The following NEBL variants were observed in gnomAD, a reference collection of about 807,000 sequenced individuals.
The protein encoded by NEBL is LIM and SH3 protein 2.
In NEBL, 122 loss-of-function variants were observed where a neutral mutation model predicts 140.2. That is an observed-to-expected ratio of 0.87 (90% confidence interval 0.75 to 1.01). The LOEUF is 1.01. Among genes scored for constraint, NEBL ranks in the 50% least tolerant of loss-of-function variants. The probability of loss-of-function intolerance (pLI) is 0.00; values close to 1 mark genes in which losing one functional copy is unlikely to be tolerated. For synonymous variants in NEBL, 436 were observed against 398.9 expected, an observed-to-expected ratio of 1.09 and a Z score of -1.11; for missense variants, 1,365 against 1,231.3, an observed-to-expected ratio of 1.11 and a Z score of -1.62.
intron 1 of NEBL, among the ~76,000 whole-genome samples, chr10:21,280,447 C>T (rs537841610): frequency 6.6e-6 from 1 of 152,096 alleles, no homozygotes; most frequent in African/African-American, 2.4e-5. Flanking sequence ...TCTAGGCATG[C>T]CAGCCCAGAG....
chr10:20,938,910 C>A (rs564386134), intron 4 of NEBL, among the ~76,000 whole-genome samples: 17 of 152,276 alleles, frequency 1.1e-4, no homozygotes, highest in Admixed American at 6.5e-4. Flanking sequence ...AAGAAATGAA[C>A]AAAACCTCCA....
At chr10:20,811,725 A>T (rs1838167196) in intron 24 of NEBL, among the ~76,000 whole-genome samples, 1 of 152,206 alleles carries the variant, frequency 6.6e-6, no homozygotes, top group Admixed American at 6.5e-5. Flanking sequence ...AGTACCAAAA[A>T]ATAAGCTCCT....
chr10:21,186,476 A>C (rs1369320236), intron 3 of NEBL, among the ~76,000 whole-genome samples: 1 of 152,132 alleles, frequency 6.6e-6, no homozygotes, highest in Non-Finnish European at 1.5e-5. Flanking sequence ...AAAATCTGAG[A>C]TGCTCCAGTC....
chr10:21,007,233 C>T (rs772270386), intron 3 of NEBL, among the ~76,000 whole-genome samples: 2 of 152,160 alleles, frequency 1.3e-5, no homozygotes, highest in South Asian at 2.1e-4. Flanking sequence ...GCTGGTCTCT[C>T]GCCTCACACA....
At chr10:21,110,575 C>G (rs2132016915) in intron 2 of NEBL, 1 of 203,932 alleles carries the variant, frequency 4.9e-6, no homozygotes, top group South Asian at 7.4e-5. Flanking sequence ...TTCATACTCT[C>G]AAATAACTAG....
At chr10:20,792,405 C>T (rs1261362905) in intron 26 of NEBL, among the ~76,000 whole-genome samples, 1 of 152,088 alleles carries the variant, frequency 6.6e-6, no homozygotes, top group African/African-American at 2.4e-5. Flanking sequence ...GGACAAAGAA[C>T]CCCTATTTAG....
intron 2 of NEBL, among the ~76,000 whole-genome samples, chr10:21,054,454 C>T (rs2131860625): frequency 6.6e-6 from 1 of 152,278 alleles, no homozygotes; most frequent in Middle Eastern, 3.4e-3. Context: ...TCTATCCAGC[C>T]TTGCACTTAA....
intron 1 of NEBL, among the ~76,000 whole-genome samples, chr10:21,269,126 G>A (rs1323955788): frequency 1.3e-5 from 2 of 152,218 alleles, no homozygotes; most frequent in African/African-American, 4.8e-5. Context: ...AGCAATGGAA[G>A]ACACTTGTCC....
chr10:20,842,755 T>C (rs1168031629), intron 12 of NEBL, among the ~76,000 whole-genome samples: 3 of 152,008 alleles, frequency 2.0e-5, no homozygotes, highest in Non-Finnish European at 2.9e-5. Context: ...AATTTACTCT[T>C]AGCAATTTTG....
intron 2 of NEBL, among the ~76,000 whole-genome samples, chr10:21,066,215 T>G (rs530265329): frequency 6.6e-6 from 1 of 152,318 alleles, no homozygotes; most frequent in Non-Finnish European, 1.5e-5. Flanking sequence ...TATATGCTTC[T>G]TAAAGCTGTT....
intron 1 of NEBL, among the ~76,000 whole-genome samples, chr10:21,265,018 G>A (rs1232828541): frequency 6.6e-6 from 1 of 151,980 alleles, no homozygotes; most frequent in Non-Finnish European, 1.5e-5. Flanking sequence ...TACCTCCTGG[G>A]TTCAAATGAT....
intron 26 of NEBL, among the ~76,000 whole-genome samples, chr10:20,789,853 T>TTATATATA (rs537896711): frequency 2.7e-5 from 4 of 149,404 alleles, no homozygotes; most frequent in African/African-American, 9.9e-5. Flanking sequence ...ATCTCAAATT[T>TTATATATA]TATATATATA....
At chr10:21,139,437 G>C (rs139609418) in intron 2 of NEBL, among the ~76,000 whole-genome samples, 15 of 152,224 alleles carry the variant, frequency 9.9e-5, no homozygotes, top group African/African-American at 3.6e-4. Context: ...TCAAATCAGA[G>C]GAAAGAAGAA....
intron 2 of NEBL, among the ~76,000 whole-genome samples, chr10:21,166,112 C>A (rs561043068): frequency 6.8e-6 from 1 of 148,030 alleles, no homozygotes; most frequent in South Asian, 2.2e-4. Flanking sequence ...CCCAGCTACT[C>A]CGGAGGCTGA....
At chr10:21,208,019 A>G (rs962435376) in intron 3 of NEBL, among the ~76,000 whole-genome samples, 11 of 152,232 alleles carry the variant, frequency 7.2e-5, no homozygotes, top group African/African-American at 2.7e-4. Flanking sequence ...ACACTGAGAC[A>G]GCAGAGTTTG....
In NEBL at chr10:20,943,113, C is replaced by G. The variant is rs1378054932; in HGVS notation, c.357+18559G>C. 5.9e-5 allele frequency among the ~76,000 whole-genome samples: 9 copies of G among 152,224 alleles called. No individual in the cohort carries two copies. In the East Asian group the frequency reaches 1.7e-3, roughly 29 times the overall value. ...GGTATATACCCAAAGGATTATAAAT[C>G]ATGCTGCTATAAAGACACATGCACA... On this transcript the variant is annotated intron_variant, in intron 4 of 6. Coordinates refer to the NEBL transcript ENST00000417816.
At chr10:20,886,179 TAAAA>T (rs963796441) in intron 4 of NEBL, among the ~76,000 whole-genome samples, 1 of 151,710 alleles carries the variant, frequency 6.6e-6, no homozygotes, top group Non-Finnish European at 1.5e-5. Flanking sequence ...CCCCAGAACT[TAAAA>T]AAAATTTTTT....
intron 3 of NEBL, among the ~76,000 whole-genome samples, chr10:21,238,439 C>T (rs1842390042): frequency 6.6e-6 from 1 of 152,026 alleles, no homozygotes; most frequent in Non-Finnish European, 1.5e-5. Flanking sequence ...GTGGCTCACG[C>T]CTGTAATCCC....
At chr10:21,227,283 G>A (rs1223347876) in intron 3 of NEBL, among the ~76,000 whole-genome samples, 2 of 151,948 alleles carry the variant, frequency 1.3e-5, no homozygotes, top group African/African-American at 4.8e-5. Flanking sequence ...ATATTTTAGG[G>A]CTCTTGTTTG....
Sources: allele counts gnomAD v4.1 joint callset (sites outside exome capture counted in the v4.1 genomes callset), GRCh38; gene constraint gnomAD v4.1.1; transcripts MANE v1.5; gene names NCBI Gene and HGNC (gene_info 2026-07-23, HGNC 2026-07-21).